DLG2: variants seen among roughly 807,000 people sequenced by gnomAD.
DLG2 encodes disks large homolog 2.
Under a neutral mutation model 132.5 loss-of-function variants are expected in DLG2, and 45 were observed. That is an observed-to-expected ratio of 0.34 (90% CI 0.27 to 0.44). DLG2 has a LOEUF of 0.44. Among genes scored for constraint, DLG2 ranks in the 20% least tolerant of loss-of-function variants. The pLI is 1.00. For missense variants in DLG2, 1,045 were observed against 1,196.9 expected (o/e 0.87, Z 1.87); for synonymous variants, 424 against 419.6 (o/e 1.01, Z -0.13).
At chr11:84,863,356 T>C (rs2084049406) in intron 6 of DLG2, among the ~76,000 whole-genome samples, 2 of 152,174 alleles carry the variant, frequency 1.3e-5, no homozygotes, top group Admixed American at 6.5e-5. Flanking sequence ...GATAAACCTC[T>C]GTATTATCTT....
At chr11:85,576,877 G>A (rs1288238234) in intron 3 of DLG2, among the ~76,000 whole-genome samples, 1 of 152,098 alleles carries the variant, frequency 6.6e-6, no homozygotes, top group African/African-American at 2.4e-5. Flanking sequence ...AGTAAGGAAA[G>A]GCTTAAGATG....
intron 8 of DLG2, among the ~76,000 whole-genome samples, chr11:84,232,953 G>C (rs550643596): frequency 1.4e-4 from 22 of 152,160 alleles, no homozygotes; most frequent in Non-Finnish European, 2.8e-4. Context: ...TAACCATTTA[G>C]GTGGGAGGAA....
chr11:84,579,593 A>T (rs1456781639), intron 6 of DLG2, among the ~76,000 whole-genome samples: 1 of 152,186 alleles, frequency 6.6e-6, no homozygotes, highest in Non-Finnish European at 1.5e-5. Context: ...ATGTTGCTAT[A>T]ATATGGTAAG....
intron 24 of DLG2, among the ~76,000 whole-genome samples, chr11:83,470,840 A>G: frequency 6.6e-6 from 1 of 152,188 alleles, no homozygotes; most frequent in South Asian, 2.1e-4. Flanking sequence ...AGAATGGAAG[A>G]GAAATATTTG....
At chr11:84,470,812 G>C (rs11823803) in intron 7 of DLG2, among the ~76,000 whole-genome samples, 37,924 of 151,664 alleles carry the variant, frequency 0.25, 4,902 homozygotes, top group South Asian at 0.37. Flanking sequence ...ACATTTTGTG[G>C]TATGTTGGTG....
In DLG2 at chr11:85,206,024, G is replaced by C. The variant is rs150675068; in HGVS notation, c.187-51373C>G. Among the ~76,000 whole-genome samples the C allele has an allele frequency of 4.0e-3, 613 of 152,250 alleles. 6 individuals carry two copies. The highest frequency in any genetic ancestry group is 0.013 in the African/African-American group (531 of 41,530). ...AATCCCCAGTGTTGGAGGTGGGGAC[G>C]GGTGGGAGGTGATTTGATCATGGGG... On this transcript the variant is annotated intron_variant, in intron 4 of 27. Coordinates refer to ENST00000376104, the MANE Select transcript of DLG2 (RefSeq NM_001142699.3).
At chr11:85,010,790 A>G (rs1283190108) in intron 6 of DLG2, among the ~76,000 whole-genome samples, 2 of 152,148 alleles carry the variant, frequency 1.3e-5, no homozygotes, top group Non-Finnish European at 2.9e-5. Flanking sequence ...CATTGAAAGA[A>G]AAAAAAGATG....
At chr11:85,313,050 C>T (rs749163066) in intron 3 of DLG2, among the ~76,000 whole-genome samples, 11 of 151,752 alleles carry the variant, frequency 7.2e-5, no homozygotes, top group Admixed American at 3.3e-4. Context: ...GCTTTTGAGA[C>T]GAGACCATAC....
chr11:85,084,799 C>T lies in DLG2; in HGVS notation c.357+26862G>A, dbSNP rs534385160. ...TAGAGACTGATTCACCTGGTGTTTC[C>T]GGTGACTGGCACAATGCTTAGCACA... On this transcript the variant is annotated intron_variant, in intron 6 of 27. Coordinates refer to ENST00000376104, the MANE Select transcript of DLG2 (RefSeq NM_001142699.3). Among the ~76,000 whole-genome samples the T allele has an allele frequency of 8.5e-5, 13 of 152,202 alleles. 1 individual carries two copies. The highest frequency in any genetic ancestry group is 5.2e-4 in the Admixed American group (8 of 15,292).
At chr11:84,508,629 A>G (rs370812889) in intron 7 of DLG2, among the ~76,000 whole-genome samples, 80 of 152,104 alleles carry the variant, frequency 5.3e-4, no homozygotes, top group African/African-American at 1.9e-3. Context: ...CGGACTCCTG[A>G]CCTCAGGTGA....
At position 85,243,051 on chromosome 11, in the gene DLG2, T is replaced by C. The variant is rs548238978; in HGVS notation, c.186+42169A>G. Among the ~76,000 whole-genome samples the C allele has an allele frequency of 1.2e-3, 181 of 152,086 alleles. 1 individual carries two copies. The highest frequency in any genetic ancestry group is 4.2e-3 in the African/African-American group (173 of 41,540). ...AGCAGAGGAGAATCAAAAGTAGAAT[T>C]CAAACTGTTTTTTCTTTTAATTTTA... On this transcript the variant is annotated intron_variant, in intron 4 of 27. Transcript: ENST00000376104.
chr11:85,078,376 A>G (rs2066821182), intron 6 of DLG2, among the ~76,000 whole-genome samples: 1 of 151,754 alleles, frequency 6.6e-6, no homozygotes, highest in Non-Finnish European at 1.5e-5. Flanking sequence ...ATCTGAAAGA[A>G]CATTCCAGGC....
chr11:83,767,045 T>C (rs2094173969), intron 18 of DLG2, among the ~76,000 whole-genome samples: 1 of 152,162 alleles, frequency 6.6e-6, no homozygotes, highest in South Asian at 2.1e-4. Context: ...CAAAAGGCCC[T>C]TGTGATTAGA....
At chr11:84,375,772 C>T (rs12791079) in intron 7 of DLG2, among the ~76,000 whole-genome samples, 1,650 of 152,076 alleles carry the variant, frequency 0.011, 23 homozygotes, top group South Asian at 0.026. Context: ...TCTGCTTTGT[C>T]ATTTATACAT....
intron 6 of DLG2, among the ~76,000 whole-genome samples, chr11:84,889,899 C>G (rs1002716758): frequency 8.5e-5 from 13 of 152,160 alleles, no homozygotes; most frequent in African/African-American, 2.9e-4. Context: ...AGGGAACACA[C>G]CACTGTGGTT....
intron 18 of DLG2, among the ~76,000 whole-genome samples, chr11:83,745,097 G>C (rs1422654406): frequency 6.6e-6 from 1 of 152,124 alleles, no homozygotes; most frequent in African/African-American, 2.4e-5. Flanking sequence ...ACTCATGATT[G>C]GTTCCCATGC....
intron 7 of DLG2, among the ~76,000 whole-genome samples, chr11:84,367,568 A>C (rs2098689253): frequency 1.3e-5 from 2 of 152,132 alleles, no homozygotes; most frequent in Non-Finnish European, 2.9e-5. Flanking sequence ...GAGGCCTTTG[A>C]GAGATGATTG....
At chr11:84,140,762 T>C (rs535853205) in intron 9 of DLG2, among the ~76,000 whole-genome samples, 1 of 152,264 alleles carries the variant, frequency 6.6e-6, no homozygotes, top group African/African-American at 2.4e-5. Context: ...AATATTTACC[T>C]TTGTTATCTG....
intron 18 of DLG2, among the ~76,000 whole-genome samples, chr11:83,703,249 C>T (rs1398679246): frequency 6.6e-6 from 1 of 152,082 alleles, no homozygotes; most frequent in Non-Finnish European, 1.5e-5. Context: ...CCTGTAAACC[C>T]ACTGATGAAA....
Sources: gnomAD v4.1 joint callset for allele counts (sites outside exome capture counted in the v4.1 genomes callset) on GRCh38, gnomAD v4.1.1 for gene constraint, MANE v1.5 for transcripts, NCBI Gene and HGNC (gene_info 2026-07-23, HGNC 2026-07-21) for gene names.